The following SGCZ variants were observed in gnomAD, a reference collection of about 807,000 sequenced individuals.
SGCZ encodes the protein sarcoglycan zeta.
Under a neutral mutation model 41.3 loss-of-function variants are expected in SGCZ, and 40 were observed. The ratio of observed to expected loss-of-function variants is 0.97; its 90% CI spans 0.75 to 1.26. SGCZ has a LOEUF of 1.26. Ranked by LOEUF, SGCZ falls within the 50% of genes most tolerant of loss-of-function variation. SGCZ has a pLI of 0.00. For missense variants in SGCZ, 552 were observed against 369.8 expected, an observed-to-expected ratio of 1.49 and a Z score of -4.04; for synonymous variants, 206 against 137.5, an observed-to-expected ratio of 1.50 and a Z score of -3.49.
At chr8:14,277,049 CTTTG>C (rs994905203) in intron 3 of SGCZ, among the ~76,000 whole-genome samples, 11 of 152,158 alleles carry the variant, frequency 7.2e-5, no homozygotes, top group Admixed American at 2.6e-4. Context: ...TCCTTCCTCA[CTTTG>C]TTTGTGCTAT....
intron 1 of SGCZ, among the ~76,000 whole-genome samples, chr8:15,120,112 T>A (rs907496035): frequency 7.9e-5 from 12 of 152,212 alleles, no homozygotes; most frequent in Admixed American, 1.3e-4. Flanking sequence ...TTCCGAAGTG[T>A]TGGGTTACAG....
intron 2 of SGCZ, among the ~76,000 whole-genome samples, chr8:14,454,501 A>C (rs1024687042): frequency 6.6e-6 from 1 of 152,192 alleles, no homozygotes; most frequent in Non-Finnish European, 1.5e-5. Context: ...AATTAAGACC[A>C]ATACCAGTAA....
At chr8:14,366,034 G>A (rs1438452029) in intron 2 of SGCZ, among the ~76,000 whole-genome samples, 2 of 151,778 alleles carry the variant, frequency 1.3e-5, no homozygotes, top group Non-Finnish European at 2.9e-5. Flanking sequence ...GATAAACTTT[G>A]TACTTTCATG....
intron 1 of SGCZ, among the ~76,000 whole-genome samples, chr8:15,219,234 A>G (rs1178504619): frequency 6.6e-6 from 1 of 152,164 alleles, no homozygotes; most frequent in Non-Finnish European, 1.5e-5. Context: ...GGGATCATAC[A>G]TGTGGATTAC....
At chr8:14,809,611 A>G (rs1221941760) in intron 1 of SGCZ, among the ~76,000 whole-genome samples, 1 of 152,208 alleles carries the variant, frequency 6.6e-6, no homozygotes, top group Non-Finnish European at 1.5e-5. Flanking sequence ...GCACAGTAGA[A>G]CAAATACTAG....
intron 7 of SGCZ, among the ~76,000 whole-genome samples, chr8:14,101,241 A>G (rs1298931587): frequency 6.6e-6 from 1 of 152,144 alleles, no homozygotes; most frequent in Non-Finnish European, 1.5e-5. Flanking sequence ...ATAGACCTGA[A>G]TAAGTCAGTG....
chr8:14,297,578 A>G (rs1801057679), intron 3 of SGCZ, among the ~76,000 whole-genome samples: 1 of 151,974 alleles, frequency 6.6e-6, no homozygotes, highest in South Asian at 2.1e-4. Flanking sequence ...AGACAATAAT[A>G]TAGAGCACAT....
At chr8:14,568,702 G>C (rs1804458795) in intron 1 of SGCZ, among the ~76,000 whole-genome samples, 1 of 152,122 alleles carries the variant, frequency 6.6e-6, no homozygotes, top group Non-Finnish European at 1.5e-5. Flanking sequence ...CATTTTCCTA[G>C]AGGTTTTATT....
At chr8:14,974,955 G>A (rs1792891144) in intron 1 of SGCZ, among the ~76,000 whole-genome samples, 1 of 151,830 alleles carries the variant, frequency 6.6e-6, no homozygotes, top group Non-Finnish European at 1.5e-5. Context: ...TAATCTGTTG[G>A]GAAAAGGGAC....
chr8:14,351,750 T>C (rs555937099), intron 2 of SGCZ, among the ~76,000 whole-genome samples: 4 of 152,166 alleles, frequency 2.6e-5, no homozygotes, highest in African/African-American at 9.6e-5. Flanking sequence ...TATTATGATT[T>C]TGAATTCTGC....
chr8:15,098,204 A>G (rs1466329279), intron 1 of SGCZ, among the ~76,000 whole-genome samples: 1 of 152,100 alleles, frequency 6.6e-6, no homozygotes, highest in African/African-American at 2.4e-5. Context: ...GGAAGAAAAG[A>G]CAGAAAGGAG....
At chr8:14,349,459 A>G (rs1184833346) in intron 2 of SGCZ, among the ~76,000 whole-genome samples, 1 of 149,114 alleles carries the variant, frequency 6.7e-6, no homozygotes. Context: ...TCAACATGGG[A>G]TTTTCTAACT....
chr8:14,792,390 T>C (rs1032728792), intron 1 of SGCZ, among the ~76,000 whole-genome samples: 2 of 152,120 alleles, frequency 1.3e-5, no homozygotes, highest in African/African-American at 4.8e-5. Flanking sequence ...AGAAAAGAAC[T>C]GGGTGTATTA....
intron 3 of SGCZ, among the ~76,000 whole-genome samples, chr8:14,321,354 T>C (rs1382411401): frequency 2.0e-5 from 3 of 152,054 alleles, no homozygotes; most frequent in South Asian, 2.1e-4. Flanking sequence ...AGGCTAATCA[T>C]AGAACCTTAA....
At chr8:14,418,621 T>G (rs1453388599) in intron 2 of SGCZ, among the ~76,000 whole-genome samples, 1 of 151,966 alleles carries the variant, frequency 6.6e-6, no homozygotes, top group Non-Finnish European at 1.5e-5. Context: ...AACTATCAAT[T>G]AATTATCAAC....
chr8:14,370,121 G>A (rs1222772158), intron 2 of SGCZ, among the ~76,000 whole-genome samples: 1 of 151,934 alleles, frequency 6.6e-6, no homozygotes, highest in Non-Finnish European at 1.5e-5. Flanking sequence ...AGATGTAGGG[G>A]AGGATATGAG....
chr8:14,919,743 C>T (rs1407253132), intron 1 of SGCZ, among the ~76,000 whole-genome samples: 2 of 151,952 alleles, frequency 1.3e-5, no homozygotes, highest in Non-Finnish European at 2.9e-5. Context: ...CATGGTGAAA[C>T]CCCATCTCTG....
At chr8:14,155,859 C>A (rs536673367) in intron 5 of SGCZ, among the ~76,000 whole-genome samples, 1 of 152,040 alleles carries the variant, frequency 6.6e-6, no homozygotes, top group Non-Finnish European at 1.5e-5. Flanking sequence ...CAAACCTAGG[C>A]TAAGTGGTAT....
chr8:14,388,322 A>G (rs1451191588), intron 2 of SGCZ, among the ~76,000 whole-genome samples: 1 of 152,118 alleles, frequency 6.6e-6, no homozygotes, highest in East Asian at 1.9e-4. Flanking sequence ...GAGGCCTAGG[A>G]GCTGGGCATC....
Sources: gnomAD v4.1 joint callset for allele counts (sites outside exome capture counted in the v4.1 genomes callset) on GRCh38, gnomAD v4.1.1 for gene constraint, MANE v1.5 for transcripts, NCBI Gene and HGNC (gene_info 2026-07-23, HGNC 2026-07-21) for gene names.